RBFOX1: variants seen among roughly 807,000 people sequenced by gnomAD.
RBFOX1 encodes the protein RNA binding protein fox-1 homolog 1.
Under a neutral mutation model 57.7 loss-of-function variants are expected in RBFOX1, and 8 were observed. The observed-to-expected ratio is 0.14, with a 90% CI of 0.08 to 0.25. RBFOX1 has a LOEUF of 0.25. Ranked by LOEUF, RBFOX1 falls within the 10% of genes least tolerant of loss-of-function variation. The pLI, the probability that RBFOX1 is intolerant of heterozygous loss-of-function variation, is 1.00. For missense variants in RBFOX1, 611 were observed against 548.5 expected (o/e 1.11, Z -1.14); for synonymous variants, 326 against 222.4 (o/e 1.47, Z -4.15).
chr16:6,489,289 C>A (rs556221497), intron 2 of RBFOX1, among the ~76,000 whole-genome samples: 1 of 152,200 alleles, frequency 6.6e-6, no homozygotes, highest in Admixed American at 6.5e-5. Context: ...GCATTATTTT[C>A]CTCTTATCTT....
intron 2 of RBFOX1, among the ~76,000 whole-genome samples, chr16:6,432,636 C>T (rs576949235): frequency 7.3e-5 from 11 of 151,100 alleles, no homozygotes; most frequent in East Asian, 2.0e-4. Flanking sequence ...GAGCCGAGAT[C>T]GCAGCACTGC....
At chr16:7,474,826 A>G (rs1431978170) in intron 4 of RBFOX1, among the ~76,000 whole-genome samples, 1 of 152,260 alleles carries the variant, frequency 6.6e-6, no homozygotes, top group Non-Finnish European at 1.5e-5. Flanking sequence ...ATTTAGCCAC[A>G]GTAAGCATTC....
At chr16:5,636,839 A>G (rs1172319741) in intron 3 of RBFOX1, among the ~76,000 whole-genome samples, 4 of 152,166 alleles carry the variant, frequency 2.6e-5, no homozygotes, top group Non-Finnish European at 5.9e-5. Flanking sequence ...CCTGGGAAGT[A>G]AACATTTCTC....
chr16:5,809,462 C>T (rs1394903348), intron 3 of RBFOX1, among the ~76,000 whole-genome samples: 4 of 151,618 alleles, frequency 2.6e-5, no homozygotes, highest in Admixed American at 2.0e-4. Flanking sequence ...AAAATGAACT[C>T]AAACAAATTT....
intron 4 of RBFOX1, among the ~76,000 whole-genome samples, chr16:7,075,913 G>T (rs1253608593): frequency 6.6e-6 from 1 of 151,986 alleles, no homozygotes; most frequent in African/African-American, 2.4e-5. Context: ...ACAATTTCCT[G>T]TAACTGAATA....
chr16:6,718,781 A>C (rs1045826909), intron 3 of RBFOX1, among the ~76,000 whole-genome samples: 7 of 152,190 alleles, frequency 4.6e-5, no homozygotes, highest in Non-Finnish European at 1.0e-4. Context: ...ACTCACAACT[A>C]GGTTGACTCC....
intron 1 of RBFOX1, chr16:6,038,215 C>A (rs2095392216): frequency 6.7e-6 from 1 of 148,690 alleles, no homozygotes; most frequent in Non-Finnish European, 1.5e-5. Context: ...TCTAACTCAC[C>A]CTGTCATCCA....
intron 4 of RBFOX1, among the ~76,000 whole-genome samples, chr16:7,271,993 T>C (rs2095329400): frequency 6.6e-6 from 1 of 152,196 alleles, no homozygotes; most frequent in Non-Finnish European, 1.5e-5. Flanking sequence ...CTCGGACCTC[T>C]TTGAAGTCAT....
At chr16:6,124,836 A>G (rs1483048002) in intron 1 of RBFOX1, among the ~76,000 whole-genome samples, 4 of 152,028 alleles carry the variant, frequency 2.6e-5, no homozygotes, top group Non-Finnish European at 5.9e-5. Flanking sequence ...CGCCAATTCA[A>G]TTTTTTAATA....
At chr16:5,629,540 A>G (rs1039882821) in intron 3 of RBFOX1, among the ~76,000 whole-genome samples, 2 of 152,232 alleles carry the variant, frequency 1.3e-5, no homozygotes, top group Admixed American at 6.5e-5. Context: ...CAAAGGAAGA[A>G]TGGAGTCTAA....
intron 3 of RBFOX1, among the ~76,000 whole-genome samples, chr16:5,860,188 C>T (rs2057177007): frequency 6.6e-6 from 1 of 152,068 alleles, no homozygotes; most frequent in African/African-American, 2.4e-5. Flanking sequence ...ATTCAAGTGA[C>T]TCTCCTGCCT....
intron 1 of RBFOX1, among the ~76,000 whole-genome samples, chr16:6,060,930 T>G (rs1454830322): frequency 6.6e-6 from 1 of 152,220 alleles, no homozygotes; most frequent in Admixed American, 6.5e-5. Flanking sequence ...ATATGGCACA[T>G]GGACACACGG....
intron 2 of RBFOX1, among the ~76,000 whole-genome samples, chr16:6,410,298 G>A (rs1788249380): frequency 6.9e-6 from 1 of 144,708 alleles, no homozygotes; most frequent in African/African-American, 2.6e-5. Flanking sequence ...CGATGACCTA[G>A]GGTTCTTTTT....
rs570226753 is a variant in RBFOX1 at position 7,228,812 on chromosome 16, A to G, written c.27+176714A>G. Among the ~76,000 whole-genome samples, 12 of 152,352 alleles carry G rather than the reference A, an allele frequency of 7.9e-5. No individual in the cohort carries two copies. In the South Asian group the frequency reaches 2.3e-3, roughly 29 times the overall value. On this transcript the variant is annotated intron_variant, in intron 4 of 15. Transcript: ENST00000550418. ...TTTTGGGGGAAAATGGATTAAAAAC[A>G]TAATCTCTCGGTTCTAACTTCACGT... is the stretch of plus-strand genomic sequence containing the variant.
intron 3 of RBFOX1, among the ~76,000 whole-genome samples, chr16:5,815,414 A>C (rs112599128): frequency 0.021 from 3,251 of 152,158 alleles, 133 homozygotes; most frequent in African/African-American, 0.073. Flanking sequence ...TTCAGATCCC[A>C]TGATTAGAAC....
At chr16:6,937,713 A>G (rs979602719) in intron 3 of RBFOX1, among the ~76,000 whole-genome samples, 9 of 152,162 alleles carry the variant, frequency 5.9e-5, no homozygotes, top group Admixed American at 4.6e-4. Flanking sequence ...TATTATCGAT[A>G]GAAAAGAATG....
chr16:5,305,827 G>A (rs1305176684), intron 1 of RBFOX1, among the ~76,000 whole-genome samples: 1 of 152,164 alleles, frequency 6.6e-6, no homozygotes, highest in Non-Finnish European at 1.5e-5. Context: ...GGAGGCCTAG[G>A]TGGGGGGATT....
chr16:6,917,855 A>G (rs536770839), intron 3 of RBFOX1, among the ~76,000 whole-genome samples: 1 of 152,304 alleles, frequency 6.6e-6, no homozygotes, highest in East Asian at 1.9e-4. Context: ...TTTGTCAGAA[A>G]TCCTGGAAAA....
chr16:7,622,571 C>G (rs1378046862), intron 10 of RBFOX1, among the ~76,000 whole-genome samples: 2 of 151,388 alleles, frequency 1.3e-5, no homozygotes, highest in Non-Finnish European at 1.5e-5. Context: ...CAAAAAGTCT[C>G]AAGTTATGTC....
Sources: gnomAD v4.1 joint callset for allele counts (sites outside exome capture counted in the v4.1 genomes callset) on GRCh38, gnomAD v4.1.1 for gene constraint, MANE v1.5 for transcripts, NCBI Gene and HGNC (gene_info 2026-07-23, HGNC 2026-07-21) for gene names.